Variants in NEU3 observed in about 807,000 individuals in gnomAD.
NEU3 encodes the protein neuraminidase 3.
In NEU3, 10 loss-of-function variants were observed where a neutral mutation model predicts 11.4. The observed-to-expected ratio is 0.88, with a 90% confidence interval of 0.54 to 1.49. The LOEUF is 1.49. Ranked by LOEUF, NEU3 falls within the 40% of genes most tolerant of loss-of-function variation. The pLI is 0.00. For missense variants in NEU3, 529 were observed against 581.8 expected, an observed-to-expected ratio of 0.91 and a Z score of 0.93; for synonymous variants, 212 against 228.2, an observed-to-expected ratio of 0.93 and a Z score of 0.64.
At chr11:74,998,548 CT>C (rs371245539) in intron 2 of NEU3, among the ~76,000 whole-genome samples, 6 of 152,202 alleles carry the variant, frequency 3.9e-5, no homozygotes, top group African/African-American at 1.4e-4. Context: ...ATAGTAGGCA[CT>C]TTAATACTCC....
rs772388702 is a variant in NEU3 at position 75,007,868 on chromosome 11, A to G, written c.*1376A>G. 4 of 152,170 alleles carry G rather than the reference A, an allele frequency of 2.6e-5. No individual in the cohort carries two copies. Among genetic ancestry groups the G allele is most frequent in the Non-Finnish European group, 4.4e-5 (3 of 68,020 alleles). The allele number at this position is 152,170 out of a possible 1,614,324, so 9.4% of individuals were successfully genotyped here. On this transcript the variant is annotated 3_prime_UTR_variant, in exon 3 of 3. Transcript: ENST00000294064. ...GAGTCTAATGCTTAAACTGGTATCA[A>G]CTAAATATATTTGGTGTTGTACAAT...
downstream of NEU3, among the ~76,000 whole-genome samples, chr11:75,014,838 C>T (rs1017563946): frequency 6.6e-6 from 1 of 151,972 alleles, no homozygotes; most frequent in African/African-American, 2.4e-5. Flanking sequence ...TGCACTCCAA[C>T]CTGGGCAACA....
chr11:75,004,387 G>A (rs1307602256), intron 2 of NEU3: 14 of 567,786 alleles, frequency 2.5e-5, no homozygotes, highest in Non-Finnish European at 3.7e-5. Context: ...TACAGCATGA[G>A]CCACTGTGCC....
At chr11:74,982,988 G>A in the NEU3 span, among the ~76,000 whole-genome samples, 1 of 152,024 alleles carries the variant, frequency 6.6e-6, no homozygotes, top group Non-Finnish European at 1.5e-5. Flanking sequence ...CTTGGTTTGG[G>A]TGCCCATAGG....
chr11:75,016,281 C>T (rs760504698), intron 3 of NEU3, among the ~76,000 whole-genome samples: 37 of 152,172 alleles, frequency 2.4e-4, no homozygotes, highest in Non-Finnish European at 5.0e-4. Flanking sequence ...CACACTATGG[C>T]CAAAGACAGA....
intron 2 of NEU3, among the ~76,000 whole-genome samples, chr11:74,999,361 TCACA>T (rs1948821815): frequency 6.6e-6 from 1 of 152,248 alleles, no homozygotes; most frequent in Admixed American, 6.5e-5. Flanking sequence ...TACTCAGTAG[TCACA>T]CACATCCACA....
At chr11:75,002,757 TC>T (rs1444659736) in intron 2 of NEU3, among the ~76,000 whole-genome samples, 1 of 152,224 alleles carries the variant, frequency 6.6e-6, no homozygotes, top group Non-Finnish European at 1.5e-5. Context: ...CCACCCTCCT[TC>T]CCAAAGGAGA....
Position 75,006,119 on chromosome 11 carries a change from C to G in NEU3, c.1013C>G (p.Thr338Ser). ...GACTCTAGCAGCAAAGATGCACCCACCATTCAGCAGAGCTCTCCAGGCAGT... is the reference window on the plus strand; with the variant it reads ...GACTCTAGCAGCAAAGATGCACCCAGCATTCAGCAGAGCTCTCCAGGCAGT... ...CQDSSSKDAP[T>S]IQQSSPGSSL... The change falls in exon 3 of 3, where the codon ACC becomes AGC. Residue 338 changes from threonine to serine, a missense_variant. Coordinates refer to ENST00000294064, the MANE Select transcript of NEU3 (RefSeq NM_006656.6). The G allele has an allele frequency of 6.2e-7, 1 of 1,613,996 alleles. No homozygotes were observed. Among genetic ancestry groups the G allele is most frequent in the Non-Finnish European group, 8.5e-7 (1 of 1,179,886 alleles).
chr11:74,994,577 A>T lies in NEU3; in HGVS notation c.163A>T (p.Ile55Phe), dbSNP rs375402171. ...PLFRQEDDRG[I>F]TYRIPALLYI... ...GTTCCGGCAGGAAGATGACAGAGGG[A>T]TTACCTACCGGATCCCAGCCCTGCT... Residue 55 changes from isoleucine (I) to phenylalanine (F), a missense_variant, in exon 2 of 3, where the codon ATT becomes TTT. Physicochemically the swap from Ile to Phe is conservative, Grantham distance 21. Coordinates refer to ENST00000294064, the MANE Select transcript of NEU3 (RefSeq NM_006656.6). 1 of 1,613,812 alleles carries T rather than the reference A, an allele frequency of 6.2e-7. No individual in the cohort carries two copies. Among genetic ancestry groups the T allele is most frequent in the Non-Finnish European group, 8.5e-7 (1 of 1,179,870 alleles).
chr11:75,007,645 T>C lies in NEU3; in HGVS notation c.*1153T>C, dbSNP rs577969691. The C allele has an allele frequency of 6.6e-6, 1 of 152,268 alleles. No homozygotes were observed. Among genetic ancestry groups the C allele is most frequent in the African/African-American group, 2.4e-5 (1 of 41,558 alleles). 9.4% of individuals were successfully genotyped at this position (152,268 alleles called of 1,614,324 possible). ...CCCAGATCTCAGAATCAGGCCTATT[T>C]GTGTAGGCCCATGGAAATCACTACT... On this transcript the variant is annotated 3_prime_UTR_variant, in exon 3 of 3. Coordinates refer to ENST00000294064, the MANE Select transcript of NEU3 (RefSeq NM_006656.6).
At chr11:74,980,937 A>G in the NEU3 span, among the ~76,000 whole-genome samples, 60 of 152,366 alleles carry the variant, frequency 3.9e-4, no homozygotes, top group African/African-American at 1.4e-3. Context: ...ACGTACTTAC[A>G]TGAGCTTGAA....
chr11:74,990,156 T>G, intron 1 of NEU3: 1 of 630,480 alleles, frequency 1.6e-6, no homozygotes, highest in Non-Finnish European at 2.8e-6. Flanking sequence ...AGTTTAAAAT[T>G]TATAAAACAC....
the NEU3 span, among the ~76,000 whole-genome samples, chr11:74,980,675 T>G: frequency 4.6e-5 from 7 of 152,354 alleles, no homozygotes; most frequent in East Asian, 1.3e-3. Context: ...CTCAGAATAA[T>G]GTTTTAAATA....
intron 2 of NEU3, among the ~76,000 whole-genome samples, chr11:75,004,065 T>G (rs150564802): frequency 1.3e-5 from 2 of 152,198 alleles, no homozygotes; most frequent in Middle Eastern, 3.2e-3. Context: ...CTTAATTTGA[T>G]GAGCAGATAT....
At chr11:74,993,512 C>T (rs1170107782) in intron 1 of NEU3, among the ~76,000 whole-genome samples, 2 of 152,126 alleles carry the variant, frequency 1.3e-5, no homozygotes, top group African/African-American at 2.4e-5. Flanking sequence ...CCTGGTTAGA[C>T]TCTAGTTTTT....
chr11:75,019,263 G>A (rs189787267), downstream of NEU3, among the ~76,000 whole-genome samples: 98 of 152,324 alleles, frequency 6.4e-4, 1 homozygote, highest in Admixed American at 4.1e-3. Flanking sequence ...AAGAGGAGCC[G>A]GATGTTGATC....
At chr11:74,996,671 G>A (rs1948793596) in intron 2 of NEU3, among the ~76,000 whole-genome samples, 1 of 152,188 alleles carries the variant, frequency 6.6e-6, no homozygotes, top group Non-Finnish European at 1.5e-5. Context: ...AATTTTTCCA[G>A]AAGGTTTTCA....
chr11:74,996,854 C>G (rs1406192366), intron 2 of NEU3, among the ~76,000 whole-genome samples: 1 of 152,182 alleles, frequency 6.6e-6, no homozygotes, highest in Admixed American at 6.5e-5. Flanking sequence ...TCATACATCT[C>G]CATCAGAGCT....
intron 1 of NEU3, 65 bp downstream of exon 1, chr11:74,989,219 A>C: frequency 7.5e-7 from 1 of 1,329,410 alleles, no homozygotes; most frequent in South Asian, 1.3e-5. Context: ...CAGGTTGAGC[A>C]AGACCATCTG....
Sources: allele counts gnomAD v4.1 joint callset (sites outside exome capture counted in the v4.1 genomes callset), GRCh38; gene constraint gnomAD v4.1.1; transcripts MANE v1.5; gene names NCBI Gene and HGNC (gene_info 2026-07-23, HGNC 2026-07-21).